FIBP: variants seen among roughly 807,000 people sequenced by gnomAD.
FIBP encodes the protein acidic fibroblast growth factor intracellular-binding protein.
FIBP carries 29 observed loss-of-function variants against 40.5 expected under a neutral mutation model. The ratio of observed to expected loss-of-function variants is 0.72; its 90% CI spans 0.53 to 0.98. The LOEUF is 0.98. Ranked by LOEUF, FIBP falls within the 50% of genes least tolerant of loss-of-function variation. The probability of loss-of-function intolerance (pLI) is 0.00; values close to 1 mark genes in which losing one functional copy is unlikely to be tolerated. For synonymous variants in FIBP, 215 were observed against 191.1 expected (o/e 1.13, Z -1.03); for missense variants, 411 against 470.2 (o/e 0.87, Z 1.16).
rs1860156844 is a variant in FIBP, at chr11:65,883,919, T to C, written c.*55A>G. ...ACTTGCTCCCCGGAGCGAGGACCAG[T>C]CTCCAAACTCAGAGCAACTTTATTG... On this transcript the variant is annotated 3_prime_UTR_variant, in exon 10 of 10. Transcript: ENST00000357519. 2.6e-6 allele frequency: 4 copies of C among 1,517,840 alleles called. No homozygotes were observed. Among genetic ancestry groups the C allele is most frequent in the Non-Finnish European group, 3.6e-6 (4 of 1,097,872 alleles). 94.0% of individuals were successfully genotyped at this position (1,517,840 alleles called of 1,614,324 possible).
intron 7 of FIBP, 96 bp from the exon 8 acceptor site, chr11:65,884,752 T>C (rs1171558276): frequency 7.4e-7 from 1 of 1,349,596 alleles, no homozygotes; most frequent in Non-Finnish European, 1.1e-6. Flanking sequence ...CCTCCCCAGA[T>C]CCATCCACCT....
chr11:65,884,151 CT>C, intron 9 of FIBP, 108 bp from the exon 10 acceptor site: 1 of 934,324 alleles, frequency 1.1e-6, no homozygotes, highest in Non-Finnish European at 1.7e-6. Context: ...TTAGAAAATC[CT>C]TACAATTCTT....
In FIBP at chr11:65,887,938, C is replaced by T; in HGVS notation, c.280G>A (p.Glu94Lys). ...IPPSRQALLI[E>K]RYYAFDEAFV... ...ACCATCCCAGAGGGTGAGCACCTCT[C>T]GATGAGTAGTGCCTGCCGGGAGGGC... The change falls in exon 2 of 10, where the codon GAG becomes AAG. Residue 94 changes from glutamate to lysine, a missense_variant. Physicochemically the swap from Glu to Lys is moderately conservative, Grantham distance 56. Coordinates refer to ENST00000357519, the MANE Select transcript of FIBP (RefSeq NM_004214.5). 6.2e-7 allele frequency: 1 copy of T among 1,613,294 alleles called. No homozygotes were observed. Among genetic ancestry groups the T allele is most frequent in the Non-Finnish European group, 8.5e-7 (1 of 1,179,656 alleles).
rs750021397 is a variant in FIBP, at chr11:65,888,466, G to A, written c.-48C>T. 3 of 1,457,668 alleles carry A rather than the reference G, an allele frequency of 2.1e-6. No homozygotes were observed. Among genetic ancestry groups the A allele is most frequent in the Admixed American group, 2.1e-5 (1 of 48,656 alleles). 90.3% of individuals were successfully genotyped at this position (1,457,668 alleles called of 1,614,324 possible). ...CCCCGAGCAGGAGCGAGCACTGCTC[G>A]GGACTGGCGCGCCGCCTTCAGGCCA... On this transcript the variant is annotated 5_prime_UTR_variant, in exon 1 of 10. Coordinates refer to ENST00000357519, the MANE Select transcript of FIBP (RefSeq NM_004214.5).
At chr11:65,886,811 C>T (rs763166567) in intron 3 of FIBP, 8 of 169,454 alleles carry the variant, frequency 4.7e-5, no homozygotes, top group Non-Finnish European at 7.6e-5. Flanking sequence ...AAAAGAAAGG[C>T]ATCAAAGACC....
rs145310878 is a variant in FIBP, at chr11:65,888,095, G to C, written c.123C>G (p.Ile41Met). ...DAVALRVRSG[I>M]LEQTGATAAV... The stretch of plus-strand genomic sequence containing the variant: ...CTGCCGTGGCGCCAGTCTGCTCCAG[G>C]ATTCCCGAGCGCACCCGCAGGGCCA... The change falls in exon 2 of 10, where the codon ATC (isoleucine) becomes ATG (methionine). Residue 41 changes from isoleucine (I) to methionine (M), a missense_variant. Ile to Met is a conservative substitution (Grantham distance 10). Transcript: ENST00000357519. The C allele has an allele frequency of 3.0e-4, 478 of 1,598,326 alleles. 2 individuals carry two copies. In the African/African-American group the frequency reaches 5.9e-3, roughly 20 times the overall value.
At position 65,884,721 on chromosome 11, in the gene FIBP, C is replaced by G. The variant is rs1170434670; in HGVS notation, c.820-65G>C. 2.6e-6 allele frequency: 4 copies of G among 1,556,232 alleles called. No individual in the cohort carries two copies. In the East Asian group the frequency reaches 9.0e-5, roughly 35 times the overall value. Reference sequence around the variant, plus strand: ...AGAAGTTGGCAGCTGAGCACAGAAGCTGGGGGAGGAGGAGCAGGCCCCTCC... The same window carrying G: ...AGAAGTTGGCAGCTGAGCACAGAAGGTGGGGGAGGAGGAGCAGGCCCCTCC... On this transcript the variant is annotated intron_variant, in intron 7 of 9. Coordinates refer to ENST00000357519, the MANE Select transcript of FIBP (RefSeq NM_004214.5).
At chr11:65,887,321 C>G in intron 3 of FIBP, 1 of 456,270 alleles carries the variant, frequency 2.2e-6, no homozygotes, top group South Asian at 2.1e-5. Context: ...GAGCGGGCGC[C>G]TGTAATCTCA....
chr11:65,884,592 A>T lies in FIBP; in HGVS notation c.884T>A (p.Leu295Gln). Residue 295 changes from leucine (L) to glutamine (Q), a missense_variant, in exon 8 of 10, where the codon CTG becomes CAG. By Grantham distance (113) the Leu-to-Gln change is moderately radical. Transcript: ENST00000357519. ...CACCTTCTCCACGAGGTCCACAAAC[A>T]GGTCTCTGACATCTTTATTGTGGGT... ...KLTHNKDVRD[L>Q]FVDLVEKFVE... is the part of the protein sequence containing the mutation. 1.9e-6 allele frequency: 3 copies of T among 1,614,208 alleles called. No homozygotes were observed. Among genetic ancestry groups the T allele is most frequent in the Non-Finnish European group, 1.7e-6 (2 of 1,180,026 alleles).
Position 65,885,674 on chromosome 11 carries a change from G to C in FIBP, c.513-11C>G. 3.1e-6 allele frequency: 5 copies of C among 1,598,184 alleles called. No homozygotes were observed. Among genetic ancestry groups the C allele is most frequent in the Non-Finnish European group, 4.3e-6 (5 of 1,169,602 alleles). Reference sequence around the variant, plus strand: ...ATGGCTGCATAGTCCCTGCACAGACGAGAGGAGGGTCCTCTTAGGGCTTGA... The same window carrying C: ...ATGGCTGCATAGTCCCTGCACAGACCAGAGGAGGGTCCTCTTAGGGCTTGA... On this transcript the variant is annotated splice_polypyrimidine_tract_variant and intron_variant, in intron 4 of 9. Coordinates refer to ENST00000357519, the MANE Select transcript of FIBP (RefSeq NM_004214.5).
Position 65,883,746 on chromosome 11 carries a change from G to T in FIBP, c.*228C>A. 1 of 873,272 alleles carries T rather than the reference G, an allele frequency of 1.1e-6. No individual in the cohort carries two copies. The highest frequency in any genetic ancestry group is 1.5e-5 in the South Asian group (1 of 66,036). The allele number at this position is 873,272 out of a possible 1,614,324, so 54.1% of individuals were successfully genotyped here. On this transcript the variant is annotated 3_prime_UTR_variant, in exon 10 of 10. Transcript: ENST00000357519. ...TAAACCAAGACAAGACCTCTGGCTTGTGAGCAGACTCTTCTGGTGGATGGG... is the reference window on the plus strand; with the variant it reads ...TAAACCAAGACAAGACCTCTGGCTTTTGAGCAGACTCTTCTGGTGGATGGG...
intron 3 of FIBP, chr11:65,887,038 G>C (rs1260125554): frequency 4.4e-5 from 10 of 225,314 alleles, no homozygotes; most frequent in Admixed American, 1.1e-4. Flanking sequence ...AAGCCAAGGA[G>C]TGCAGCTGCT....
chr11:65,888,197 TCCCAGACC>T lies in FIBP; in HGVS notation c.86-73_86-66del, dbSNP rs141668996. ...CGCCAGAGGCCCTTAAGGGTTTCCA[TCCCAGACC>T]CCTATAACACCTCTTATTCCCAGGC... On this transcript the variant is annotated intron_variant, in intron 1 of 9. Coordinates refer to ENST00000357519, the MANE Select transcript of FIBP (RefSeq NM_004214.5). 115 of 1,500,682 alleles carry T rather than the reference TCCCAGACC, an allele frequency of 7.7e-5. 1 individual carries two copies. In the East Asian group the frequency reaches 2.2e-3, roughly 29 times the overall value. The allele number at this position is 1,500,682 out of a possible 1,614,324, so 93.0% of individuals were successfully genotyped here.
rs779728742 is a variant in FIBP at position 65,884,423 on chromosome 11, A to C, written c.973T>G (p.Ser325Ala). ...SDVRFFLNQY[S>A]ASVHSLDGFR... ...CCATCGAGGGAGTGGACAGACGCTG[A>C]ATACTGATTCAGGAAGAACCGCACG... is the stretch of plus-strand genomic sequence containing the variant. The change falls in exon 9 of 10, where the codon TCA (serine) becomes GCA (alanine). Residue 325 changes from serine (S) to alanine (A), a missense_variant. Coordinates refer to ENST00000357519, the MANE Select transcript of FIBP (RefSeq NM_004214.5). 2.5e-6 allele frequency: 4 copies of C among 1,614,018 alleles called. No homozygotes were observed. Among genetic ancestry groups the C allele is most frequent in the Non-Finnish European group, 3.4e-6 (4 of 1,180,034 alleles).
rs1591080337 is a variant in FIBP, at chr11:65,888,329, C to A, written c.85+5G>T. ...GACTGGCTTCCCCACACGCCCCTCA[C>A]GGACCCGAGTAACCATCGAGCCAGA... is the stretch of plus-strand genomic sequence containing the variant. On this transcript the variant is annotated splice_donor_5th_base_variant and intron_variant, in intron 1 of 9. Coordinates refer to ENST00000357519, the MANE Select transcript of FIBP (RefSeq NM_004214.5). 2 of 1,551,250 alleles carry A rather than the reference C, an allele frequency of 1.3e-6. No homozygotes were observed. Among genetic ancestry groups the A allele is most frequent in the Admixed American group, 2.0e-5 (1 of 51,212 alleles).
At position 65,885,531 on chromosome 11, in the gene FIBP, G is replaced by C. The variant is rs34330224; in HGVS notation, c.645C>G (p.Val215=). Reference sequence around the variant, plus strand: ...CACCTGGGTCAGTGGGGGCCTCACCGACGGCTCCAAGGGTCCAGTTTTGGA... The same window carrying C: ...CACCTGGGTCAGTGGGGGCCTCACCCACGGCTCCAAGGGTCCAGTTTTGGA... ...LMIQNWTLGA[V]DSQMDDMDMD... is the part of the protein sequence containing the mutation. The change falls in exon 5 of 10, where the codon GTC becomes GTG. Residue 215 remains valine, a splice_region_variant and synonymous_variant. Coordinates refer to ENST00000357519, the MANE Select transcript of FIBP (RefSeq NM_004214.5). The C allele has an allele frequency of 6.2e-7, 1 of 1,613,316 alleles. No homozygotes were observed.
At position 65,884,942 on chromosome 11, in the gene FIBP, T is replaced by C; in HGVS notation, c.812A>G (p.Asn271Ser). The C allele has an allele frequency of 2.5e-6, 4 of 1,614,142 alleles. No homozygotes were observed. The highest frequency in any genetic ancestry group is 3.4e-6 in the Non-Finnish European group (4 of 1,180,018). ...KLGVFSEMEANFKNLSRGLVN... is the reference protein window; with the variant it reads ...KLGVFSEMEASFKNLSRGLVN... ...CTGGATGGGACCACAGACCTTGAAGTTGGCTTCCATCTCAGAGAAGACGCC... is the reference window on the plus strand; with the variant it reads ...CTGGATGGGACCACAGACCTTGAAGCTGGCTTCCATCTCAGAGAAGACGCC... Residue 271 changes from asparagine (N) to serine (S), a missense_variant, in exon 7 of 10, where the codon AAC (asparagine) becomes AGC (serine). Coordinates refer to ENST00000357519, the MANE Select transcript of FIBP (RefSeq NM_004214.5).
rs755169663 is a variant in FIBP, at chr11:65,885,466, TG to T, written c.646+63del. 2.0e-5 allele frequency: 31 copies of T among 1,574,680 alleles called. No individual in the cohort carries two copies. The African/African-American group carries it at 4.1e-4, about 21-fold the overall frequency. On this transcript the variant is annotated intron_variant, in intron 5 of 9. Coordinates refer to ENST00000357519, the MANE Select transcript of FIBP (RefSeq NM_004214.5). ...ACTGAGGGCCTGTGGGAGAAACTAC[TG>T]GTGGGGAATCAGGTCCTGAGGATGG...
rs959421310 is a variant in FIBP, at chr11:65,888,347, G to C, written c.72C>G (p.Leu24=). The C allele has an allele frequency of 6.4e-7, 1 of 1,555,466 alleles. No homozygotes were observed. The highest frequency in any genetic ancestry group is 2.4e-5 in the East Asian group (1 of 41,310). ...CCCCTCACGGACCCGAGTAACCATC[G>C]AGCCAGAGGCGATACACGTCCTCGT... ...LIDEDVYRLW[L]DGYSVTDAVA... Residue 24 remains leucine, a synonymous_variant, in exon 1 of 10, where the codon CTC becomes CTG. Transcript: ENST00000357519.
Sources: allele counts gnomAD v4.1 joint callset, GRCh38; gene constraint gnomAD v4.1.1; transcripts MANE v1.5; gene names NCBI Gene and HGNC (gene_info 2026-07-23, HGNC 2026-07-21).